The following UNC80 variants were observed in gnomAD, a reference collection of about 807,000 sequenced individuals.
UNC80 encodes the protein unc-80 subunit of NALCN channel complex, also known as protein unc-80 homolog.
UNC80 carries 164 observed loss-of-function variants against 384.6 expected under a neutral mutation model. The observed-to-expected ratio is 0.43, with a 90% confidence interval of 0.38 to 0.49. UNC80 has a LOEUF of 0.49. UNC80 is among the 20% of genes least tolerant of loss of function. The pLI, the probability that UNC80 is intolerant of heterozygous loss-of-function variation, is 0.00. For synonymous variants in UNC80, 1,486 were observed against 1,527.8 expected (o/e 0.97, Z 0.64); for missense variants, 3,330 against 4,143.0 (o/e 0.80, Z 5.39).
At chr2:209,777,169 G>T in intron 3 of UNC80, 89 bp from the exon 4 acceptor site, 1 of 1,379,336 alleles carries the variant, frequency 7.2e-7, no homozygotes, top group Non-Finnish European at 9.8e-7. Context: ...ATAGAGAAAG[G>T]AGGGATATTC....
intron 2 of UNC80, 100 bp from the exon 3 acceptor site, chr2:209,775,789 C>A: frequency 4.1e-6 from 5 of 1,234,448 alleles, no homozygotes; most frequent in South Asian, 1.4e-5. Context: ...GGGTACAGTA[C>A]CTTGCTGTTC....
At chr2:209,973,716 T>C (rs886258025) in intron 56 of UNC80, among the ~76,000 whole-genome samples, 2 of 152,188 alleles carry the variant, frequency 1.3e-5, no homozygotes, top group Non-Finnish European at 2.9e-5. Flanking sequence ...AGACACAGCA[T>C]TGCACAACAT....
At chr2:209,920,473 T>C (rs79898609) in intron 33 of UNC80, among the ~76,000 whole-genome samples, 3,230 of 152,370 alleles carry the variant, frequency 0.021, 123 homozygotes, top group African/African-American at 0.073. Context: ...ATAAGCATCA[T>C]AATTAAGACA....
At chr2:209,900,579 A>T (rs2087285794) in intron 28 of UNC80, among the ~76,000 whole-genome samples, 1 of 152,204 alleles carries the variant, frequency 6.6e-6, no homozygotes, top group Admixed American at 6.5e-5. Context: ...TAGGCTGATT[A>T]ATAACCCTAC....
chr2:209,844,137 A>G (rs1255306066), intron 21 of UNC80, among the ~76,000 whole-genome samples: 6 of 152,170 alleles, frequency 3.9e-5, no homozygotes, highest in Non-Finnish European at 7.4e-5. Context: ...TGGAGACAAT[A>G]TGTCTCACGG....
chr2:209,913,997 G>A, intron 31 of UNC80, 57 bp downstream of exon 31: 1 of 1,483,526 alleles, frequency 6.7e-7, no homozygotes, highest in Non-Finnish European at 9.0e-7. Flanking sequence ...ACTGATCCAA[G>A]TGTTTAAATA....
intron 9 of UNC80, among the ~76,000 whole-genome samples, chr2:209,816,643 C>CTGGTCCA (rs1354861127): frequency 6.6e-6 from 1 of 152,210 alleles, no homozygotes; most frequent in Non-Finnish European, 1.5e-5. Flanking sequence ...GCTGATGCTG[C>CTGGTCCA]TGGTCCAGGG....
chr2:209,829,460 T>C (rs2080796009), intron 15 of UNC80, 81 bp downstream of exon 15: 5 of 1,461,890 alleles, frequency 3.4e-6, no homozygotes, highest in Non-Finnish European at 4.7e-6. Context: ...ACTAAATTTG[T>C]GGAGGTAGAA....
At chr2:209,802,164 G>T (rs1213248366) in intron 7 of UNC80, among the ~76,000 whole-genome samples, 13 of 152,120 alleles carry the variant, frequency 8.5e-5, no homozygotes, top group Admixed American at 3.9e-4. Context: ...GGATGGATGG[G>T]GAAAGGGAGA....
At position 209,943,411 on chromosome 2, in the gene UNC80, T is replaced by A. The variant is rs1015240608; in HGVS notation, c.6947T>A (p.Leu2316Gln). The A allele has an allele frequency of 2.9e-5, 45 of 1,552,254 alleles. No homozygotes were observed. Among genetic ancestry groups the A allele is most frequent in the Non-Finnish European group, 3.9e-5 (45 of 1,147,086 alleles). The part of the protein sequence containing the change: ...VYSDYESNPQ[L>Q]RQAIEFACHQ... The stretch of plus-strand genomic sequence containing the variant: ...TCCGACTATGAAAGCAATCCCCAGC[T>A]GCGTCAAGCCATCGAATTTGCCTGT... The change falls in exon 45 of 65, where the codon CTG (leucine) becomes CAG (glutamine). Residue 2316 changes from leucine (L) to glutamine (Q), a missense_variant. Coordinates refer to ENST00000673920, the MANE Select transcript of UNC80 (RefSeq NM_001371986.1).
intron 64 of UNC80, 108 bp downstream of exon 64, chr2:209,994,372 C>G: frequency 1.0e-6 from 1 of 984,376 alleles, no homozygotes; most frequent in East Asian, 2.9e-5. Flanking sequence ...GTCTGCAATG[C>G]TTTGTTATCC....
intron 18 of UNC80, among the ~76,000 whole-genome samples, chr2:209,838,891 G>A (rs1461472882): frequency 6.6e-6 from 1 of 152,138 alleles, no homozygotes; most frequent in East Asian, 1.9e-4. Flanking sequence ...AACCTGGGAG[G>A]CGGAGGTTGC....
intron 6 of UNC80, among the ~76,000 whole-genome samples, chr2:209,793,125 A>C (rs1227122149): frequency 6.6e-6 from 1 of 152,236 alleles, no homozygotes; most frequent in Non-Finnish European, 1.5e-5. Flanking sequence ...CTATGGAAAA[A>C]TATCTCACAT....
chr2:209,984,147 A>T (rs1248492403), intron 60 of UNC80, among the ~76,000 whole-genome samples: 2 of 152,250 alleles, frequency 1.3e-5, no homozygotes, highest in South Asian at 4.1e-4. Flanking sequence ...CTACATACAT[A>T]TCAATCAATC....
Position 209,994,256 on chromosome 2 carries a change from C to T in UNC80, c.9700C>T (p.Pro3234Ser). ...TGTTGCGGATCTCCACAGCGTGTCT[C>T]CCAAGCAGGTGAGGGCACTAGAGAA... ...IVVADLHSVS[P>S]KQSENFPTEE... Residue 3234 changes from proline (P) to serine (S), a missense_variant, in exon 64 of 65, where the codon CCC becomes TCC. Coordinates refer to ENST00000673920, the MANE Select transcript of UNC80 (RefSeq NM_001371986.1). 1.5e-5 allele frequency: 24 copies of T among 1,549,746 alleles called. No homozygotes were observed. The highest frequency in any genetic ancestry group is 2.1e-5 in the Non-Finnish European group (24 of 1,146,006).
intron 13 of UNC80, 121 bp downstream of exon 13, chr2:209,820,800 G>C (rs2080081073): frequency 2.7e-6 from 3 of 1,120,002 alleles, no homozygotes; most frequent in African/African-American, 3.2e-5. Context: ...AAAAAGTGGA[G>C]AGTGGAGAAA....
At position 209,813,585 on chromosome 2, in the gene UNC80, C is replaced by T. The variant is rs964686275; in HGVS notation, c.944C>T (p.Ser315Phe). The stretch of plus-strand genomic sequence containing the variant: ...TTCTTTCTGCCATGGAACAGGGCCT[C>T]TCTTGTGATACCTCCGTGCCAAAGG... ...QERGPSHSRA[S>F]LVIPPCQRSR... The change falls in exon 8 of 65, where the codon TCT (serine) becomes TTT (phenylalanine). Residue 315 changes from serine to phenylalanine, a missense_variant. Ser to Phe is a radical substitution (Grantham distance 155). Around this residue, in one of 8 missense-constraint regions of UNC80, gnomAD observed 937 missense variants for 1,026.8 expected, o/e 0.91. Transcript: ENST00000673920. 1.3e-6 allele frequency: 2 copies of T among 1,551,000 alleles called. No homozygotes were observed. The highest frequency in any genetic ancestry group is 2.7e-5 in the African/African-American group (2 of 73,030).
chr2:209,864,910 T>G (rs12993178), intron 22 of UNC80, among the ~76,000 whole-genome samples: 14,137 of 152,260 alleles, frequency 0.093, 799 homozygotes, highest in South Asian at 0.24. Context: ...TTAAGCAGAT[T>G]CCAGCTGAGA....
At chr2:209,813,973 A>C in intron 8 of UNC80, 132 bp downstream of exon 8, 1 of 1,133,060 alleles carries the variant, frequency 8.8e-7, no homozygotes, top group Non-Finnish European at 1.2e-6. Flanking sequence ...TGTTTCTATT[A>C]TCTTTTCCCT....
Sources: gnomAD v4.1 joint callset for allele counts (sites outside exome capture counted in the v4.1 genomes callset) on GRCh38, gnomAD v4.1.1 for gene constraint, gnomAD v4.1.1 regional missense constraint, MANE v1.5 for transcripts, NCBI Gene and HGNC (gene_info 2026-07-23, HGNC 2026-07-21) for gene names.